Variants in NRXN3 observed in about 807,000 individuals in gnomAD.
The protein encoded by NRXN3 is neurexin 3, also known as neurexin III.
Under a neutral mutation model 137.6 loss-of-function variants are expected in NRXN3, and 32 were observed. The observed-to-expected ratio is 0.23, with a 90% CI of 0.18 to 0.31. The LOEUF is 0.31. NRXN3 is among the 10% of genes least tolerant of loss of function. NRXN3 has a pLI of 1.00. For missense variants in NRXN3, 1,574 were observed against 2,062.5 expected (o/e 0.76, Z 4.59); for synonymous variants, 798 against 784.5 (o/e 1.02, Z -0.29).
chr14:78,340,290 G>A (rs372186190), intron 4 of NRXN3, among the ~76,000 whole-genome samples: 1 of 152,218 alleles, frequency 6.6e-6, no homozygotes, highest in African/African-American at 2.4e-5. Flanking sequence ...GGCCATCTCC[G>A]AAGATGTATG....
intron 15 of NRXN3, among the ~76,000 whole-genome samples, chr14:79,187,014 A>G (rs1011335157): frequency 2.0e-5 from 3 of 152,150 alleles, no homozygotes; most frequent in Non-Finnish European, 2.9e-5. Flanking sequence ...AAACATCTGG[A>G]CAGATTCCTT....
chr14:79,186,369 G>A lies in NRXN3; in HGVS notation c.3262+198228G>A, dbSNP rs562285036. 2.3e-4 allele frequency among the ~76,000 whole-genome samples: 35 copies of A among 152,152 alleles called. 1 individual carries two copies. Among genetic ancestry groups the A allele is most frequent in the African/African-American group, 7.5e-4 (31 of 41,534 alleles). ...CTTTTCATATATAAATATGTATTGT[G>A]TATATCCAACGTGGCTAACATGCCA... On this transcript the variant is annotated intron_variant, in intron 15 of 20. Coordinates refer to ENST00000335750, the MANE Select transcript of NRXN3 (RefSeq NM_001330195.2).
At chr14:78,180,038 G>A (rs1325477685) in intron 1 of NRXN3, among the ~76,000 whole-genome samples, 1 of 151,938 alleles carries the variant, frequency 6.6e-6, no homozygotes, top group Non-Finnish European at 1.5e-5. Flanking sequence ...AGTAGAGACA[G>A]GGGTTCACCA....
chr14:78,562,450 A>G (rs1448758806), intron 4 of NRXN3, among the ~76,000 whole-genome samples: 2 of 151,794 alleles, frequency 1.3e-5, no homozygotes, highest in African/African-American at 2.4e-5. Context: ...AGCTCTGGAA[A>G]TAGCCCTTAA....
At chr14:79,063,860 T>C (rs1014192533) in intron 15 of NRXN3, among the ~76,000 whole-genome samples, 2 of 152,168 alleles carry the variant, frequency 1.3e-5, no homozygotes, top group African/African-American at 4.8e-5. Flanking sequence ...GTCCTTTTTG[T>C]ATATTGACTT....
intron 4 of NRXN3, among the ~76,000 whole-genome samples, chr14:78,551,980 C>T (rs1337895483): frequency 6.6e-6 from 1 of 152,086 alleles, no homozygotes; most frequent in South Asian, 2.1e-4. Context: ...TTGTTGGTCG[C>T]GATACCCTGG....
At chr14:78,337,462 A>G (rs889244818) in intron 4 of NRXN3, among the ~76,000 whole-genome samples, 1 of 152,150 alleles carries the variant, frequency 6.6e-6, no homozygotes, top group Admixed American at 6.6e-5. Context: ...AACGGCAGGG[A>G]CAGAAAGGAA....
chr14:78,674,262 T>C (rs1602245525), intron 6 of NRXN3, among the ~76,000 whole-genome samples: 1 of 152,298 alleles, frequency 6.6e-6, no homozygotes, highest in East Asian at 1.9e-4. Context: ...TCAAATCTAT[T>C]TGCTTATAAA....
At chr14:79,626,194 C>G (rs2098279805) in intron 16 of NRXN3, among the ~76,000 whole-genome samples, 1 of 150,854 alleles carries the variant, frequency 6.6e-6, no homozygotes, top group Non-Finnish European at 1.5e-5. Context: ...CAAGTCTATC[C>G]TTTGTCAAGG....
chr14:79,762,832 A>G (rs913139325), intron 19 of NRXN3, among the ~76,000 whole-genome samples: 11 of 151,792 alleles, frequency 7.2e-5, no homozygotes, highest in Admixed American at 2.6e-4. Flanking sequence ...AAACATTTTC[A>G]TGGAGAGTTA....
intron 16 of NRXN3, among the ~76,000 whole-genome samples, chr14:79,483,480 A>AG (rs2096626887): frequency 6.6e-6 from 1 of 152,204 alleles, no homozygotes; most frequent in African/African-American, 2.4e-5. Flanking sequence ...GCTTGAGGTG[A>AG]GGTGTTTGGT....
chr14:78,524,727 T>A (rs937716844), intron 4 of NRXN3, among the ~76,000 whole-genome samples: 80 of 152,278 alleles, frequency 5.3e-4, no homozygotes, highest in African/African-American at 1.9e-3. Flanking sequence ...AAAAGATACC[T>A]TCAACCTCTC....
In NRXN3 at chr14:78,800,079, C is replaced by T. The variant is rs940900005; in HGVS notation, c.2045-3541C>T. Among the ~76,000 whole-genome samples, 21 of 152,182 alleles carry T rather than the reference C, an allele frequency of 1.4e-4. No homozygotes were observed. The East Asian group carries it at 3.1e-3, about 22-fold the overall frequency. On this transcript the variant is annotated intron_variant, in intron 8 of 20. Transcript: ENST00000335750. ...TATAATATATAACTTTAATGAATGG[C>T]GTGTTTGTATATGCGTGCACATACA...
At chr14:79,071,428 CTGTGTCCA>C (rs1354241993) in intron 15 of NRXN3, among the ~76,000 whole-genome samples, 1 of 152,156 alleles carries the variant, frequency 6.6e-6, no homozygotes, top group African/African-American at 2.4e-5. Flanking sequence ...GTTCCCCTCC[CTGTGTCCA>C]TGTGTTCTCA....
At chr14:79,735,356 G>A (rs1157511750) in intron 19 of NRXN3, among the ~76,000 whole-genome samples, 1 of 152,042 alleles carries the variant, frequency 6.6e-6, no homozygotes, top group African/African-American at 2.4e-5. Context: ...TTTTTCCACA[G>A]CAAAAAATAA....
At chr14:78,616,548 G>A (rs895063688) in intron 4 of NRXN3, among the ~76,000 whole-genome samples, 2 of 152,122 alleles carry the variant, frequency 1.3e-5, no homozygotes, top group South Asian at 4.1e-4. Context: ...GCTTTTCTTT[G>A]TTTGAGGGCC....
intron 15 of NRXN3, among the ~76,000 whole-genome samples, chr14:79,146,900 C>G (rs1596471219): frequency 6.6e-6 from 1 of 152,106 alleles, no homozygotes; most frequent in Admixed American, 6.6e-5. Flanking sequence ...AAGTTGAACA[C>G]CAGTGAACAC....
chr14:79,763,076 C>A (rs968613549), intron 19 of NRXN3, among the ~76,000 whole-genome samples: 1 of 150,568 alleles, frequency 6.6e-6, no homozygotes, highest in Non-Finnish European at 1.5e-5. Context: ...TGTGTCCATG[C>A]GTTCTCATTG....
At chr14:78,519,199 G>A (rs994165767) in intron 4 of NRXN3, among the ~76,000 whole-genome samples, 1 of 152,046 alleles carries the variant, frequency 6.6e-6, no homozygotes, top group South Asian at 2.1e-4. Flanking sequence ...AGAAGGATTG[G>A]GTCATTTTGT....
Sources: gnomAD v4.1 joint callset for allele counts (sites outside exome capture counted in the v4.1 genomes callset) on GRCh38, gnomAD v4.1.1 for gene constraint, MANE v1.5 for transcripts, NCBI Gene and HGNC (gene_info 2026-07-23, HGNC 2026-07-21) for gene names.